Variants in CARMIL1 observed in about 807,000 individuals in gnomAD.
The protein encoded by CARMIL1 is F-actin-uncapping protein LRRC16A.
In CARMIL1, 90 loss-of-function variants were observed where a neutral mutation model predicts 177.1. The ratio of observed to expected loss-of-function variants is 0.51; its 90% CI spans 0.43 to 0.61. CARMIL1 has a LOEUF of 0.61. CARMIL1 is among the 20% of genes least tolerant of loss of function. The pLI is 0.00. For synonymous variants in CARMIL1, 577 were observed against 606.2 expected (o/e 0.95, Z 0.71); for missense variants, 1,380 against 1,667.0 (o/e 0.83, Z 3.00).
chr6:25,508,910 A>T (rs902522775), intron 17 of CARMIL1, among the ~76,000 whole-genome samples: 1 of 152,194 alleles, frequency 6.6e-6, no homozygotes, highest in Non-Finnish European at 1.5e-5. Context: ...ACTGCTATAA[A>T]GTATGCTTTG....
chr6:25,494,728 G>C (rs410234), intron 15 of CARMIL1, among the ~76,000 whole-genome samples: 45,645 of 152,034 alleles, frequency 0.3, 7,053 homozygotes, highest in South Asian at 0.38. Context: ...ATTGCCAAAT[G>C]CAGATATTGA....
At chr6:25,413,567 T>C (rs1423509572) in intron 2 of CARMIL1, among the ~76,000 whole-genome samples, 1 of 152,250 alleles carries the variant, frequency 6.6e-6, no homozygotes, top group Non-Finnish European at 1.5e-5. Flanking sequence ...GGAGGACTTA[T>C]AAATGTTTCT....
Position 25,509,868 on chromosome 6 carries a change from G to T in CARMIL1, c.1477+131G>T. Reference sequence around the variant, plus strand: ...ATTGTTTTTTATTTTTTGACTAATAGGGCTTTTAAATTTAACAATGGGGTA... The same window carrying T: ...ATTGTTTTTTATTTTTTGACTAATATGGCTTTTAAATTTAACAATGGGGTA... On this transcript the variant is annotated intron_variant, in intron 18 of 36. Coordinates refer to ENST00000329474, the MANE Select transcript of CARMIL1 (RefSeq NM_017640.6). The surrounding 1 kb of genome is among the most constrained non-coding windows in gnomAD (Gnocchi z 4.1). 1 of 630,350 alleles carries T rather than the reference G, an allele frequency of 1.6e-6. No individual in the cohort carries two copies. Among genetic ancestry groups the T allele is most frequent in the Non-Finnish European group, 2.7e-6 (1 of 368,372 alleles). The allele number at this position is 630,350 out of a possible 1,614,324, so 39.0% of individuals were successfully genotyped here.
intron 22 of CARMIL1, among the ~76,000 whole-genome samples, chr6:25,519,552 T>C (rs539797738): frequency 2.0e-5 from 3 of 152,326 alleles, no homozygotes; most frequent in Admixed American, 2.0e-4. Context: ...TGGGATAATA[T>C]ACAGCAATCA....
At chr6:25,395,200 C>T (rs1294538700) in intron 2 of CARMIL1, among the ~76,000 whole-genome samples, 3 of 152,132 alleles carry the variant, frequency 2.0e-5, no homozygotes, top group Non-Finnish European at 2.9e-5. Context: ...CAAGCCCATG[C>T]GCTGTTAAGA....
intron 3 of CARMIL1, among the ~76,000 whole-genome samples, chr6:25,424,636 A>C (rs1331700542): frequency 6.6e-6 from 1 of 152,216 alleles, no homozygotes; most frequent in African/African-American, 2.4e-5. Flanking sequence ...TTTTAGTGAA[A>C]GATATTTTAT....
chr6:25,515,840 A>G lies in CARMIL1; in HGVS notation c.1798A>G (p.Lys600Glu). The G allele has an allele frequency of 6.2e-7, 1 of 1,602,140 alleles. No individual in the cohort carries two copies. The highest frequency in any genetic ancestry group is 8.5e-7 in the Non-Finnish European group (1 of 1,174,514). ...MLAKALQINT[K>E]LRTVIWDKNN... Reference sequence around the variant, plus strand: ...GGCCAAAGCACTGCAGATCAACACTAAGCTCAGGTAGGCAGATCCCACCCT... The same window carrying G: ...GGCCAAAGCACTGCAGATCAACACTGAGCTCAGGTAGGCAGATCCCACCCT... The change falls in exon 21 of 37, where the codon AAG (lysine) becomes GAG (glutamate). Residue 600 changes from lysine (K) to glutamate (E), a missense_variant. Coordinates refer to ENST00000329474, the MANE Select transcript of CARMIL1 (RefSeq NM_017640.6). This position sits in a 1 kb window ranked among gnomAD's most constrained non-coding sequence, Gnocchi z 5.0.
chr6:25,596,593 T>A (rs1814872260), intron 32 of CARMIL1, among the ~76,000 whole-genome samples: 1 of 152,184 alleles, frequency 6.6e-6, no homozygotes, highest in South Asian at 2.1e-4. Context: ...AACCGCTAAC[T>A]TCTTACTTAA....
chr6:25,544,335 C>T (rs1809214453), intron 26 of CARMIL1, among the ~76,000 whole-genome samples: 1 of 151,816 alleles, frequency 6.6e-6, no homozygotes. Flanking sequence ...GTGAAGAGTG[C>T]TGAAGATAAA....
rs559705556 is a variant in CARMIL1 at position 25,370,707 on chromosome 6, C to CTGTA, written c.139-49406_139-49403dup. Among the ~76,000 whole-genome samples, 742 of 152,222 alleles carry CTGTA rather than the reference C, an allele frequency of 4.9e-3. 6 individuals are homozygous for CTGTA. Among genetic ancestry groups the CTGTA allele is most frequent in the African/African-American group, 0.017 (701 of 41,536 alleles). Reference sequence around the variant, plus strand: ...GGAAGTGGAAAGTCTAAAGGACCAACTGTAGGTTGAACCAGGAGTTTCATT... The same window carrying CTGTA: ...GGAAGTGGAAAGTCTAAAGGACCAACTGTATGTAGGTTGAACCAGGAGTTTCATT... On this transcript the variant is annotated intron_variant, in intron 2 of 36. Coordinates refer to ENST00000329474, the MANE Select transcript of CARMIL1 (RefSeq NM_017640.6).
chr6:25,327,038 A>G (rs1324257622), intron 2 of CARMIL1, among the ~76,000 whole-genome samples: 1 of 152,168 alleles, frequency 6.6e-6, no homozygotes, highest in Non-Finnish European at 1.5e-5. Flanking sequence ...AAATGAGCGT[A>G]CAGTCCAGAG....
At position 25,403,099 on chromosome 6, in the gene CARMIL1, TA is replaced by T. The variant is rs1554187342; in HGVS notation, c.139-17010del. 5.4e-3 allele frequency among the ~76,000 whole-genome samples: 787 copies of T among 147,088 alleles called. 7 individuals carry two copies. Among genetic ancestry groups the T allele is most frequent in the African/African-American group, 0.013 (503 of 40,184 alleles). ...ATAAAGAGTTTTTTTTTTTTTTTTT[TA>T]AAAACAAAACAAAAAACTTCATCTA... On this transcript the variant is annotated intron_variant, in intron 2 of 36. Coordinates refer to ENST00000329474, the MANE Select transcript of CARMIL1 (RefSeq NM_017640.6).
Position 25,540,106 on chromosome 6 carries a change from G to T in CARMIL1, c.2328+28G>T, listed in dbSNP as rs765701627. On this transcript the variant is annotated intron_variant, in intron 26 of 36. Coordinates refer to ENST00000329474, the MANE Select transcript of CARMIL1 (RefSeq NM_017640.6). ...TTGTGGGGTTTGTTATTTGGGAAAT[G>T]AAATTGTTAATATTTAACTACGCAT... is the stretch of plus-strand genomic sequence containing the variant. The T allele has an allele frequency of 1.7e-5, 26 of 1,563,374 alleles. No individual in the cohort carries two copies. The Admixed American group carries it at 2.2e-4, about 13-fold the overall frequency.
chr6:25,411,327 C>A (rs117674690), intron 2 of CARMIL1, among the ~76,000 whole-genome samples: 1 of 152,184 alleles, frequency 6.6e-6, no homozygotes, highest in South Asian at 2.1e-4. Flanking sequence ...CACTCATCTT[C>A]ACCCTTGGCC....
intron 2 of CARMIL1, among the ~76,000 whole-genome samples, chr6:25,305,915 A>G (rs921380013): frequency 5.3e-5 from 8 of 152,104 alleles, no homozygotes; most frequent in Non-Finnish European, 1.0e-4. Flanking sequence ...CCTTTTTTTC[A>G]TTTTAAAATA....
chr6:25,577,728 C>T lies in CARMIL1; in HGVS notation c.2743-3196C>T, dbSNP rs930898056. On this transcript the variant is annotated intron_variant, in intron 29 of 36. Transcript: ENST00000329474. This position sits in a 1 kb window ranked among gnomAD's most constrained non-coding sequence, Gnocchi z 4.5. ...TAACTTGTAGTAAAAGTAGACATAT[C>T]TCAATTGAGCTATGTGCAGAATAGT... Among the ~76,000 whole-genome samples, 1 of 150,762 alleles carries T rather than the reference C, an allele frequency of 6.6e-6. No homozygotes were observed. The highest frequency in any genetic ancestry group is 1.5e-5 in the Non-Finnish European group (1 of 67,804).
At chr6:25,586,147 C>T (rs1023558153) in intron 31 of CARMIL1, among the ~76,000 whole-genome samples, 2 of 149,890 alleles carry the variant, frequency 1.3e-5, no homozygotes, top group African/African-American at 2.5e-5. Flanking sequence ...GGTTGCCCCC[C>T]ACCTCCCAGA....
chr6:25,410,044 A>T (rs1420583188), intron 2 of CARMIL1, among the ~76,000 whole-genome samples: 3 of 151,850 alleles, frequency 2.0e-5, no homozygotes, highest in Admixed American at 1.3e-4. Flanking sequence ...TATTTCTCTG[A>T]TTATATATGT....
At chr6:25,524,623 G>A (rs1806909740) in intron 23 of CARMIL1, among the ~76,000 whole-genome samples, 1 of 152,138 alleles carries the variant, frequency 6.6e-6, no homozygotes, top group African/African-American at 2.4e-5. Flanking sequence ...CAGTGTGAAA[G>A]AGAGAAAACA....
Sources: allele counts gnomAD v4.1 joint callset (sites outside exome capture counted in the v4.1 genomes callset), GRCh38; gene constraint gnomAD v4.1.1; non-coding constraint Gnocchi (gnomAD v3.1); transcripts MANE v1.5; gene names NCBI Gene and HGNC (gene_info 2026-07-23, HGNC 2026-07-21).